The following SEMA6D variants were observed in gnomAD, a reference collection of about 807,000 sequenced individuals.
The protein encoded by SEMA6D is semaphorin-6D.
Under a neutral mutation model 106.6 loss-of-function variants are expected in SEMA6D, and 35 were observed. The observed-to-expected ratio is 0.33, with a 90% CI of 0.25 to 0.44. The LOEUF (loss-of-function observed/expected upper bound fraction) is 0.44. SEMA6D is among the 20% of genes least tolerant of loss of function. The pLI is 1.00. For missense variants in SEMA6D, 1,185 were observed against 1,345.9 expected, an observed-to-expected ratio of 0.88 and a Z score of 1.87; for synonymous variants, 499 against 487.7, an observed-to-expected ratio of 1.02 and a Z score of -0.31.
chr15:47,651,350 G>A (rs1186020355), intron 4 of SEMA6D, among the ~76,000 whole-genome samples: 2 of 152,038 alleles, frequency 1.3e-5, no homozygotes, highest in Non-Finnish European at 2.9e-5. Flanking sequence ...GCTGCAGTGA[G>A]CTATGATCAT....
chr15:47,474,014 T>C (rs2042932285), intron 3 of SEMA6D, among the ~76,000 whole-genome samples: 1 of 152,158 alleles, frequency 6.6e-6, no homozygotes, highest in African/African-American at 2.4e-5. Context: ...GGGAAGGCTG[T>C]CCACAGGCTT....
intron 1 of SEMA6D, among the ~76,000 whole-genome samples, chr15:47,256,728 G>T (rs1462884392): frequency 6.6e-6 from 1 of 151,998 alleles, no homozygotes; most frequent in African/African-American, 2.4e-5. Context: ...GCTTGGTGGT[G>T]CACGCCTATA....
chr15:47,217,699 A>G (rs747149070), intron 1 of SEMA6D, among the ~76,000 whole-genome samples: 7 of 151,902 alleles, frequency 4.6e-5, no homozygotes, highest in Non-Finnish European at 1.0e-4. Flanking sequence ...ACACCTTCCT[A>G]TACTATTTGA....
At chr15:47,243,113 C>A (rs1267884108) in intron 1 of SEMA6D, among the ~76,000 whole-genome samples, 1 of 152,086 alleles carries the variant, frequency 6.6e-6, no homozygotes, top group African/African-American at 2.4e-5. Context: ...AAATTGGAAT[C>A]TCCAAACCTG....
At chr15:47,539,138 C>G (rs2045274792) in intron 3 of SEMA6D, among the ~76,000 whole-genome samples, 1 of 152,162 alleles carries the variant, frequency 6.6e-6, no homozygotes. Flanking sequence ...ATTTTATTAT[C>G]TAGCCAATTA....
At chr15:47,700,641 T>C (rs1007045353) in intron 4 of SEMA6D, among the ~76,000 whole-genome samples, 12 of 152,200 alleles carry the variant, frequency 7.9e-5, no homozygotes, top group Non-Finnish European at 1.6e-4. Flanking sequence ...GGAGAAAGTA[T>C]AGACTAGGTG....
chr15:47,386,168 T>G (rs1323316755), intron 1 of SEMA6D, among the ~76,000 whole-genome samples: 3 of 151,560 alleles, frequency 2.0e-5, no homozygotes, highest in Admixed American at 6.6e-5. Context: ...GTAGAAGAGA[T>G]AAAATATCTA....
chr15:47,739,064 C>T (rs895775587), intron 1 of SEMA6D, among the ~76,000 whole-genome samples: 2 of 152,126 alleles, frequency 1.3e-5, no homozygotes, highest in Non-Finnish European at 2.9e-5. Flanking sequence ...TGGAAGCTGC[C>T]TATGTATTAA....
At chr15:47,586,880 T>G (rs1247363184) in intron 3 of SEMA6D, among the ~76,000 whole-genome samples, 1 of 136,294 alleles carries the variant, frequency 7.3e-6, no homozygotes, top group Non-Finnish European at 1.5e-5. Context: ...CAAAATGAAA[T>G]TTGACAGGTT....
intron 3 of SEMA6D, among the ~76,000 whole-genome samples, chr15:47,561,746 T>C (rs1208841048): frequency 2.5e-5 from 3 of 121,974 alleles, no homozygotes; most frequent in African/African-American, 1.2e-4. Flanking sequence ...TTTTAAAATA[T>C]TATGTAAGAT....
At chr15:47,671,755 A>C (rs1440051333) in intron 4 of SEMA6D, among the ~76,000 whole-genome samples, 1 of 152,170 alleles carries the variant, frequency 6.6e-6, no homozygotes, top group Non-Finnish European at 1.5e-5. Flanking sequence ...GTAGCAATAA[A>C]ACGGAATTGA....
intron 2 of SEMA6D, among the ~76,000 whole-genome samples, chr15:47,458,164 A>G (rs566608211): frequency 9.2e-5 from 14 of 152,182 alleles, no homozygotes; most frequent in African/African-American, 3.1e-4. Flanking sequence ...GTGAGCATAT[A>G]TAAAAATACT....
At chr15:47,256,274 C>T (rs1054468026) in intron 1 of SEMA6D, among the ~76,000 whole-genome samples, 7 of 152,066 alleles carry the variant, frequency 4.6e-5, no homozygotes, top group Non-Finnish European at 5.9e-5. Context: ...ATAGAAGTTG[C>T]GTTAAACCTG....
At chr15:47,283,487 G>C (rs1437514355) in intron 1 of SEMA6D, among the ~76,000 whole-genome samples, 1 of 152,064 alleles carries the variant, frequency 6.6e-6, no homozygotes, top group African/African-American at 2.4e-5. Context: ...CTCAATTCCT[G>C]CCACTTTTCT....
At chr15:47,497,798 A>G (rs1342272438) in intron 3 of SEMA6D, among the ~76,000 whole-genome samples, 1 of 152,038 alleles carries the variant, frequency 6.6e-6, no homozygotes, top group African/African-American at 2.4e-5. Context: ...TTCAGCTACC[A>G]CTGAAGGCTT....
At chr15:47,426,947 T>G (rs2041359968) in intron 2 of SEMA6D, among the ~76,000 whole-genome samples, 1 of 152,262 alleles carries the variant, frequency 6.6e-6, no homozygotes, top group Non-Finnish European at 1.5e-5. Context: ...CTGATAGAGT[T>G]TAAATGGTAG....
At chr15:47,602,216 C>T (rs2076677419) in intron 4 of SEMA6D, among the ~76,000 whole-genome samples, 1 of 152,062 alleles carries the variant, frequency 6.6e-6, no homozygotes, top group Admixed American at 6.6e-5. Flanking sequence ...ATATAATGTT[C>T]TTCTTAACCT....
In SEMA6D at chr15:47,730,850, T is replaced by A. The variant is rs1396933296; in HGVS notation, c.-55+13158T>A. The A allele has an allele frequency of 3.0e-6, 4 of 1,328,450 alleles. No individual in the cohort carries two copies. The Admixed American group carries it at 6.8e-5, about 22-fold the overall frequency. 82.3% of individuals were successfully genotyped at this position (1,328,450 alleles called of 1,614,324 possible). On this transcript the variant is annotated intron_variant, in intron 1 of 18. Coordinates refer to ENST00000536845, the MANE Select transcript of SEMA6D (RefSeq NM_001358351.3). ...TTCTTAGGCCTTTGCTCAAACGGGA[T>A]TCACCACTTTCTTAGCCTCCTGCTT...
intron 1 of SEMA6D, among the ~76,000 whole-genome samples, chr15:47,373,684 ATAT>A (rs2039354623): frequency 6.6e-6 from 1 of 152,148 alleles, no homozygotes. Flanking sequence ...TTGTAACTGA[ATAT>A]TATTATTTAA....
Sources: allele counts gnomAD v4.1 joint callset (sites outside exome capture counted in the v4.1 genomes callset), GRCh38; gene constraint gnomAD v4.1.1; transcripts MANE v1.5; gene names NCBI Gene and HGNC (gene_info 2026-07-23, HGNC 2026-07-21).